The following PLD1 variants were observed in gnomAD, a reference collection of about 807,000 sequenced individuals.
The protein encoded by PLD1 is phospholipase D1, also known as choline phosphatase 1.
A neutral mutation model predicts 137.1 loss-of-function variants in PLD1; 112 were observed. The observed-to-expected ratio is 0.82, with a 90% CI of 0.70 to 0.96. The LOEUF (loss-of-function observed/expected upper bound fraction) is 0.96. Ranked by LOEUF, PLD1 falls within the 40% of genes least tolerant of loss-of-function variation. The pLI, the probability that PLD1 is intolerant of heterozygous loss-of-function variation, is 0.00. For synonymous variants in PLD1, 431 were observed against 454.7 expected (o/e 0.95, Z 0.66); for missense variants, 1,321 against 1,342.0 (o/e 0.98, Z 0.24).
intron 19 of PLD1, among the ~76,000 whole-genome samples, chr3:171,667,426 T>A (rs6795501): frequency 0.029 from 4,358 of 152,308 alleles, 154 homozygotes; most frequent in African/African-American, 0.084. Flanking sequence ...ATGATTCCTT[T>A]CCTGAACAAA....
In PLD1 at chr3:171,726,087, GC is replaced by G; in HGVS notation, c.607-12del. On this transcript the variant is annotated splice_polypyrimidine_tract_variant and intron_variant, in intron 6 of 26. Coordinates refer to ENST00000351298, the MANE Select transcript of PLD1 (RefSeq NM_002662.5). Reference sequence around the variant, plus strand: ...ATCAAGAAACTCTGTCTGAAAAGAAGCAAAAAATCCATCTTTAGCAAGCAAA... The same window carrying G: ...ATCAAGAAACTCTGTCTGAAAAGAAGAAAAAATCCATCTTTAGCAAGCAAA... 6.2e-7 allele frequency: 1 copy of G among 1,601,938 alleles called. No individual in the cohort carries two copies. Among genetic ancestry groups the G allele is most frequent in the African/African-American group, 1.3e-5 (1 of 74,804 alleles).
intron 19 of PLD1, 27 bp downstream of exon 19, chr3:171,674,473 C>A: frequency 8.1e-7 from 1 of 1,236,932 alleles, no homozygotes; most frequent in South Asian, 1.3e-5. Context: ...AGCATTTTGT[C>A]AAAAAGAAAA....
At chr3:171,674,376 T>G in intron 19 of PLD1, 124 bp downstream of exon 19, 1 of 489,628 alleles carries the variant, frequency 2.0e-6, no homozygotes, top group Non-Finnish European at 3.7e-6. Flanking sequence ...AAAAGATCCA[T>G]TTAGTTTTGC....
chr3:171,779,155 G>A (rs183033472), intron 1 of PLD1, among the ~76,000 whole-genome samples: 6 of 152,310 alleles, frequency 3.9e-5, no homozygotes, highest in Admixed American at 2.0e-4. Context: ...TGCTGAGATC[G>A]TGCCACTGCA....
intron 21 of PLD1, among the ~76,000 whole-genome samples, chr3:171,652,202 A>G (rs1319427291): frequency 6.6e-6 from 1 of 152,122 alleles, no homozygotes; most frequent in African/African-American, 2.4e-5. Flanking sequence ...CCACGAGGTC[A>G]GCAGATCGAG....
In PLD1 at chr3:171,602,323, G is replaced by A. The variant is rs547526907; in HGVS notation, c.*755C>T. Reference sequence around the variant, plus strand: ...CCATGCATGTTTTTACATTTGATCAGGTGGGCCTAATCACAAGGACTCATG... The same window carrying A: ...CCATGCATGTTTTTACATTTGATCAAGTGGGCCTAATCACAAGGACTCATG... On this transcript the variant is annotated 3_prime_UTR_variant, in exon 27 of 27. Coordinates refer to ENST00000351298, the MANE Select transcript of PLD1 (RefSeq NM_002662.5). The A allele has an allele frequency of 6.6e-6, 1 of 152,348 alleles. No individual in the cohort carries two copies. The highest frequency in any genetic ancestry group is 6.5e-5 in the Admixed American group (1 of 15,296). The allele number at this position is 152,348 out of a possible 1,614,324, so 9.4% of individuals were successfully genotyped here. A position where few individuals can be genotyped will look rare whatever the true frequency, so the allele number is the denominator to read the frequency against.
intron 1 of PLD1, among the ~76,000 whole-genome samples, chr3:171,775,511 T>C (rs1192731082): frequency 6.6e-6 from 1 of 151,992 alleles, no homozygotes; most frequent in Non-Finnish European, 1.5e-5. Flanking sequence ...GTCAAAGAGG[T>C]CCCCATGGCA....
chr3:171,766,098 C>G (rs577689910), intron 1 of PLD1, among the ~76,000 whole-genome samples: 1 of 152,092 alleles, frequency 6.6e-6, no homozygotes, highest in African/African-American at 2.4e-5. Flanking sequence ...CAACTCTAAC[C>G]TGTCACTTCT....
In PLD1 at chr3:171,636,673, T is replaced by G. The variant is rs143212512; in HGVS notation, c.2593+6167A>C. ...ATCTGTAATAGTATGTGTGAATTTC[T>G]TAGAATTTCCTGCATACAAGATCAT... On this transcript the variant is annotated intron_variant, in intron 23 of 26. Transcript: ENST00000351298. 9.2e-5 allele frequency among the ~76,000 whole-genome samples: 14 copies of G among 152,212 alleles called. No homozygotes were observed. In the East Asian group the frequency reaches 2.5e-3, roughly 27 times the overall value.
At chr3:171,608,073 G>A (rs768430245) in intron 25 of PLD1, among the ~76,000 whole-genome samples, 33 of 152,274 alleles carry the variant, frequency 2.2e-4, no homozygotes, top group Admixed American at 7.2e-4. Context: ...TATATTATCT[G>A]TGTTTGCCAT....
At chr3:171,760,017 C>T (rs78267543) in intron 1 of PLD1, among the ~76,000 whole-genome samples, 4,502 of 152,222 alleles carry the variant, frequency 0.03, 251 homozygotes, top group African/African-American at 0.1. Context: ...ATAGAGTTAT[C>T]GAACCCTAAT....
intron 10 of PLD1, 129 bp from the exon 11 acceptor site, chr3:171,708,967 T>C: frequency 1.6e-6 from 1 of 611,728 alleles, no homozygotes; most frequent in Non-Finnish European, 2.9e-6. Context: ...CCATTGACTT[T>C]GTGGACCTGG....
At chr3:171,616,436 T>C (rs994832837) in intron 24 of PLD1, among the ~76,000 whole-genome samples, 1 of 152,186 alleles carries the variant, frequency 6.6e-6, no homozygotes, top group Non-Finnish European at 1.5e-5. Context: ...ACTGTGAATA[T>C]ATGTTCAATG....
chr3:171,805,099 G>A (rs1723794243), intron 1 of PLD1, among the ~76,000 whole-genome samples: 1 of 152,134 alleles, frequency 6.6e-6, no homozygotes, highest in Non-Finnish European at 1.5e-5. Context: ...TATGGCCTCA[G>A]AAGTCTCTCT....
At chr3:171,625,594 G>A (rs958108567) in intron 23 of PLD1, among the ~76,000 whole-genome samples, 1 of 152,182 alleles carries the variant, frequency 6.6e-6, no homozygotes, top group Admixed American at 6.5e-5. Flanking sequence ...TAACTGGGAG[G>A]CACCCCCCCG....
intron 6 of PLD1, among the ~76,000 whole-genome samples, chr3:171,731,104 A>T (rs1344409226): frequency 6.6e-5 from 10 of 152,358 alleles, no homozygotes; most frequent in Admixed American, 6.5e-4. Flanking sequence ...GATTAAGAAC[A>T]TATCCTATTC....
chr3:171,718,614 G>C (rs1434300324), intron 8 of PLD1, among the ~76,000 whole-genome samples: 1 of 152,138 alleles, frequency 6.6e-6, no homozygotes, highest in Non-Finnish European at 1.5e-5. Flanking sequence ...AATCAAGTAA[G>C]GCATCTATCA....
In PLD1 at chr3:171,600,863, T is replaced by TAA. The variant is rs1180683968; in HGVS notation, c.*2213_*2214dup. 1 of 152,214 alleles carries TAA rather than the reference T, an allele frequency of 6.6e-6. No homozygotes were observed. The highest frequency in any genetic ancestry group is 1.5e-5 in the Non-Finnish European group (1 of 68,040). 9.4% of individuals were successfully genotyped at this position (152,214 alleles called of 1,614,324 possible). ...TAGCTCTCTCCTTCACCTTGTTTAT[T>TAA]AATTCTACAAGCATTTATTGCCATC... On this transcript the variant is annotated 3_prime_UTR_variant, in exon 27 of 27. Coordinates refer to ENST00000351298, the MANE Select transcript of PLD1 (RefSeq NM_002662.5).
intron 23 of PLD1, among the ~76,000 whole-genome samples, chr3:171,631,756 G>A (rs1560162677): frequency 1.3e-5 from 2 of 152,112 alleles, no homozygotes; most frequent in Admixed American, 6.6e-5. Flanking sequence ...AAGAGAAGCA[G>A]CTGTAAGTCC....
Sources: allele counts gnomAD v4.1 joint callset (sites outside exome capture counted in the v4.1 genomes callset), GRCh38; gene constraint gnomAD v4.1.1; transcripts MANE v1.5; gene names NCBI Gene and HGNC (gene_info 2026-07-23, HGNC 2026-07-21).